Variants in ULK3 observed in about 807,000 individuals in gnomAD.
ULK3 encodes the protein serine/threonine-protein kinase ULK3.
In ULK3, 54 loss-of-function variants were observed where a neutral mutation model predicts 69.4. The observed-to-expected ratio is 0.78, with a 90% CI of 0.63 to 0.98. The LOEUF (loss-of-function observed/expected upper bound fraction) is 0.98, where lower values mean the gene tolerates loss of function less well. Among genes scored for constraint, ULK3 ranks in the 50% least tolerant of loss-of-function variants. ULK3 has a pLI of 0.00. For synonymous variants in ULK3, 240 were observed against 254.5 expected (o/e 0.94, Z 0.54); for missense variants, 558 against 627.7 (o/e 0.89, Z 1.19).
rs2064102372 is a variant in ULK3 at position 74,838,258 on chromosome 15, G to T, written c.1246+8C>A. Reference sequence around the variant, plus strand: ...GGCCCTGTGGGGGGCATAAATGGGGGCCCTCACCTGCCAGCAACAGCAGTA... The same window carrying T: ...GGCCCTGTGGGGGGCATAAATGGGGTCCCTCACCTGCCAGCAACAGCAGTA... On this transcript the variant is annotated splice_region_variant and intron_variant, in intron 12 of 15. Coordinates refer to ENST00000440863, the MANE Select transcript of ULK3 (RefSeq NM_001099436.4). The T allele has an allele frequency of 1.3e-6, 2 of 1,560,498 alleles. No individual in the cohort carries two copies. Among genetic ancestry groups the T allele is most frequent in the South Asian group, 2.4e-5 (2 of 84,708 alleles).
At chr15:74,840,386 G>A in intron 5 of ULK3, 70 bp from the exon 6 acceptor site, 1 of 1,571,734 alleles carries the variant, frequency 6.4e-7, no homozygotes, top group African/African-American at 1.4e-5. Flanking sequence ...CCTCAGCAGG[G>A]GCCCTGGGCC....
At chr15:74,838,240 T>A in intron 12 of ULK3, 26 bp downstream of exon 12, 1 of 1,564,050 alleles carries the variant, frequency 6.4e-7, no homozygotes, top group Non-Finnish European at 8.7e-7. Context: ...AGAGGCCCTG[T>A]GGGGGGCATA....
chr15:74,838,241 G>A (rs545722129), intron 12 of ULK3, 25 bp downstream of exon 12: 4 of 1,562,962 alleles, frequency 2.6e-6, no homozygotes, highest in Admixed American at 1.9e-5. Context: ...GAGGCCCTGT[G>A]GGGGGCATAA....
rs2064142187 is a variant in ULK3 at position 74,839,063 on chromosome 15, A to G, written c.959-13T>C. 6.3e-7 allele frequency: 1 copy of G among 1,599,452 alleles called. No homozygotes were observed. The highest frequency in any genetic ancestry group is 8.5e-7 in the Non-Finnish European group (1 of 1,173,098). On this transcript the variant is annotated splice_polypyrimidine_tract_variant and intron_variant, in intron 8 of 15. Coordinates refer to ENST00000440863, the MANE Select transcript of ULK3 (RefSeq NM_001099436.4). ...GCATCCACTTCATCTGCAGAAAGTG[A>G]GGTCATATGAGGAGTCTGGGCGAAC...
rs72730514 is a variant in ULK3 at position 74,836,877 on chromosome 15, C to A, written c.*351G>T. The stretch of plus-strand genomic sequence containing the variant: ...CGAGGGCAAGCACAGAAGTACCCTG[C>A]GGGGGCCCCTTGCCCTCTTCTCGGA... On this transcript the variant is annotated 3_prime_UTR_variant, in exon 16 of 16. Transcript: ENST00000440863. The surrounding 1 kb of genome is among the most constrained non-coding windows in gnomAD (Gnocchi z 4.0). 9.0e-6 allele frequency: 2 copies of A among 221,262 alleles called. No individual in the cohort carries two copies. The highest frequency in any genetic ancestry group is 2.3e-5 in the African/African-American group (1 of 44,048). The allele number at this position is 221,262 out of a possible 1,614,324, so 13.7% of individuals were successfully genotyped here.
rs1177333274 is a variant in ULK3 at position 74,843,124 on chromosome 15, C to G, written c.-19G>C. On this transcript the variant is annotated 5_prime_UTR_variant, in exon 1 of 16. Transcript: ENST00000440863. Reference sequence around the variant, plus strand: ...CCGCCATTCCGGCCGCCTGCGCCCGCGCGGGCGCTTCCTCGCTGCGGGCGG... The same window carrying G: ...CCGCCATTCCGGCCGCCTGCGCCCGGGCGGGCGCTTCCTCGCTGCGGGCGG... The G allele has an allele frequency of 8.7e-6, 11 of 1,259,454 alleles. No individual in the cohort carries two copies. Among genetic ancestry groups the G allele is most frequent in the African/African-American group, 3.1e-5 (2 of 63,768 alleles). 78.0% of individuals were successfully genotyped at this position (1,259,454 alleles called of 1,614,324 possible). A position where few individuals can be genotyped will look rare whatever the true frequency, so the allele number is the denominator to read the frequency against.
rs769615532 is a variant in ULK3, at chr15:74,839,386, A to G, written c.853-13T>C. ...CCACCAGGGCGGTCTGGGGATGGGC[A>G]GATCAGGGGTCAGGTCCACCTCCCT... On this transcript the variant is annotated splice_polypyrimidine_tract_variant and intron_variant, in intron 7 of 15. Coordinates refer to ENST00000440863, the MANE Select transcript of ULK3 (RefSeq NM_001099436.4). The G allele has an allele frequency of 2.6e-6, 4 of 1,555,312 alleles. No homozygotes were observed. The African/African-American group carries it at 5.5e-5, about 21-fold the overall frequency.
At chr15:74,840,423 C>G (rs777820596) in intron 5 of ULK3, 75 bp downstream of exon 5, 13 of 1,567,660 alleles carry the variant, frequency 8.3e-6, no homozygotes, top group Admixed American at 7.6e-5. Context: ...CAGAACCCTT[C>G]AGAAGTGGCC....
chr15:74,838,278 G>A lies in ULK3; in HGVS notation c.1234C>T (p.Leu412=), dbSNP rs1475101243. The A allele has an allele frequency of 1.3e-6, 2 of 1,561,830 alleles. No homozygotes were observed. Among genetic ancestry groups the A allele is most frequent in the Admixed American group, 3.8e-5 (2 of 52,394 alleles). The change falls in exon 12 of 16, where the codon CTG becomes TTG. Residue 412 remains leucine, a synonymous_variant. Transcript: ENST00000440863. ...LYQHSLGELL[L]LLAAEPPGRR... Reference sequence around the variant, plus strand: ...TGGGGGCCCTCACCTGCCAGCAACAGCAGTAGCTCCCCCAGGCTGTGCTGG... The same window carrying A: ...TGGGGGCCCTCACCTGCCAGCAACAACAGTAGCTCCCCCAGGCTGTGCTGG...
intron 4 of ULK3, 42 bp from the exon 5 acceptor site, chr15:74,840,683 G>T: frequency 6.5e-7 from 1 of 1,528,008 alleles, no homozygotes; most frequent in Non-Finnish European, 8.8e-7. Context: ...AATTCCAGCT[G>T]CTTCAGCTCC....
chr15:74,837,600 AAGAG>A (rs1004677749), intron 14 of ULK3, 147 bp downstream of exon 14: 9 of 1,337,870 alleles, frequency 6.7e-6, no homozygotes, highest in Non-Finnish European at 9.4e-6. Context: ...AGTGCCGAGC[AAGAG>A]AGAGAGTGAA....
rs774104046 is a variant in ULK3, at chr15:74,837,816, G to A, written c.1288-18C>T. ...TTCTGAACCTGCCAAGGAAAGATAT[G>A]CCCTTGGGTGTGGGGGAGAGTGGCG... On this transcript the variant is annotated intron_variant, in intron 13 of 15. Coordinates refer to ENST00000440863, the MANE Select transcript of ULK3 (RefSeq NM_001099436.4). The A allele has an allele frequency of 1.3e-6, 2 of 1,585,484 alleles. No homozygotes were observed. The highest frequency in any genetic ancestry group is 2.3e-5 in the East Asian group (1 of 43,788).
chr15:74,840,761 A>AGCCTAATGATGAGCAG, intron 4 of ULK3, 120 bp from the exon 5 acceptor site: 1 of 1,324,274 alleles, frequency 7.6e-7, no homozygotes, highest in Non-Finnish European at 1.0e-6. Flanking sequence ...CCCTATTTCC[A>AGCCTAATGATGAGCAG]AGCCTCTGCT....
rs2064030206 is a variant in ULK3 at position 74,836,697 on chromosome 15, A to G, written c.*531T>C. 6.5e-6 allele frequency: 1 copy of G among 152,920 alleles called. No homozygotes were observed. The highest frequency in any genetic ancestry group is 1.5e-5 in the Non-Finnish European group (1 of 68,576). The allele number at this position is 152,920 out of a possible 1,614,324, so 9.5% of individuals were successfully genotyped here. A position where few individuals can be genotyped will look rare whatever the true frequency, so the allele number is the denominator to read the frequency against. On this transcript the variant is annotated 3_prime_UTR_variant, in exon 16 of 16. Transcript: ENST00000440863. The surrounding 1 kb of genome is among the most constrained non-coding windows in gnomAD (Gnocchi z 4.0). ...ATGGCGGGCAGGTGTGAGTTCCCAGAAAGACTGGTGGGTTCTGTGGGGCTG... is the reference window on the plus strand; with the variant it reads ...ATGGCGGGCAGGTGTGAGTTCCCAGGAAGACTGGTGGGTTCTGTGGGGCTG...
chr15:74,839,479 G>A (rs548720639), intron 7 of ULK3, 79 bp downstream of exon 7: 1 of 1,538,700 alleles, frequency 6.5e-7, no homozygotes, highest in Admixed American at 2.0e-5. Context: ...TGTTGGGTGA[G>A]TCACCAATTC....
chr15:74,840,073 G>C (rs1055331712), intron 6 of ULK3, among the ~76,000 whole-genome samples, 161 bp downstream of exon 6: 1 of 152,184 alleles, frequency 6.6e-6, no homozygotes, highest in Non-Finnish European at 1.5e-5. Context: ...GAGGCCCTGG[G>C]ACAGCCTGGC....
At chr15:74,840,857 C>G (rs1414339387) in intron 4 of ULK3, 3 of 598,660 alleles carry the variant, frequency 5.0e-6, no homozygotes, top group Non-Finnish European at 8.3e-6. Context: ...GCACCTTTTC[C>G]TAGGAAGCCC....
rs773081225 is a variant in ULK3 at position 74,838,178 on chromosome 15, G to A, written c.1261C>T (p.Arg421Trp). The A allele has an allele frequency of 2.0e-5, 32 of 1,563,582 alleles. No homozygotes were observed. Among genetic ancestry groups the A allele is most frequent in the Middle Eastern group, 2.0e-4 (1 of 4,890 alleles). ...TCAGTGTGAAGCAGCTCCCGCCTCC[G>A]GCCCGGGGGCTCCGCTGTAAAGAGA... ...LLLLAAEPPGRRRELLHTEVQ... is the reference protein window; with the variant it reads ...LLLLAAEPPGWRRELLHTEVQ... The change falls in exon 13 of 16, where the codon CGG (arginine) becomes TGG (tryptophan). Residue 421 changes from arginine (R) to tryptophan (W), a missense_variant. Physicochemically the swap from Arg to Trp is moderately radical, Grantham distance 101 (BLOSUM62 -3). Coordinates refer to ENST00000440863, the MANE Select transcript of ULK3 (RefSeq NM_001099436.4).
rs1352548176 is a variant in ULK3 at position 74,838,312 on chromosome 15, C to T, written c.1200G>A (p.Leu400=). ...CCCCCAGGCTGTGCTGGTACAGGTC[C>T]AGGGCATCCTGCTCCCCGCCGGCGG... ...EEAAGGEQDA[L]DLYQHSLGEL... The change falls in exon 12 of 16, where the codon CTG becomes CTA. Residue 400 remains leucine (L), a synonymous_variant. Transcript: ENST00000440863. 4.5e-6 allele frequency: 7 copies of T among 1,566,614 alleles called. No homozygotes were observed. Among genetic ancestry groups the T allele is most frequent in the African/African-American group, 1.4e-5 (1 of 73,602 alleles).
Sources: gnomAD v4.1 joint callset for allele counts (sites outside exome capture counted in the v4.1 genomes callset) on GRCh38, gnomAD v4.1.1 for gene constraint, Gnocchi (gnomAD v3.1) non-coding constraint, MANE v1.5 for transcripts, NCBI Gene and HGNC (gene_info 2026-07-23, HGNC 2026-07-21) for gene names.